Variants in CAMTA1 observed in about 807,000 individuals in gnomAD.
The protein encoded by CAMTA1 is calmodulin binding transcription activator 1.
Under a neutral mutation model 170.9 loss-of-function variants are expected in CAMTA1, and 27 were observed. That is an observed-to-expected ratio of 0.16 (90% CI 0.12 to 0.22). The LOEUF (loss-of-function observed/expected upper bound fraction) is 0.22, where lower values mean the gene tolerates loss of function less well. Ranked by LOEUF, CAMTA1 falls within the 10% of genes least tolerant of loss-of-function variation. CAMTA1 has a pLI of 1.00. For synonymous variants in CAMTA1, 833 were observed against 891.5 expected (o/e 0.93, Z 1.17); for missense variants, 1,619 against 2,217.2 (o/e 0.73, Z 5.42).
chr1:6,871,772 C>T (rs560202168), intron 3 of CAMTA1: 19 of 1,534,660 alleles, frequency 1.2e-5, no homozygotes, highest in Middle Eastern at 1.7e-4. Flanking sequence ...ATGATGCAGC[C>T]GTCCTTTTGG....
chr1:7,207,651 T>C (rs911338615), intron 4 of CAMTA1, among the ~76,000 whole-genome samples: 1 of 152,018 alleles, frequency 6.6e-6, no homozygotes, highest in Non-Finnish European at 1.5e-5. Context: ...CAGTGGCTGG[T>C]CCAGTTGTGG....
At chr1:6,891,668 AAAAAC>A (rs1674516401) in intron 3 of CAMTA1, among the ~76,000 whole-genome samples, 1 of 152,234 alleles carries the variant, frequency 6.6e-6, no homozygotes, top group Non-Finnish European at 1.5e-5. Context: ...TGCATCTTCA[AAAAAC>A]AAAACAAAAA....
rs1197872959 is a variant in CAMTA1, at chr1:7,588,412, TGG to T, written c.511-51986_511-51985del. ...ATGGCCCCAGGGGCTCAGGAGGCCC[TGG>T]GCTTCGTAATCACACTACACTAACG... On this transcript the variant is annotated intron_variant, in intron 6 of 22. Transcript: ENST00000303635. The surrounding 1 kb of genome is among the most constrained non-coding windows in gnomAD (Gnocchi z 5.8). Among the ~76,000 whole-genome samples, 1 of 152,180 alleles carries T rather than the reference TGG, an allele frequency of 6.6e-6. No individual in the cohort carries two copies.
intron 6 of CAMTA1, among the ~76,000 whole-genome samples, chr1:7,550,304 G>A (rs1388012903): frequency 6.6e-6 from 1 of 152,132 alleles, no homozygotes; most frequent in Non-Finnish European, 1.5e-5. Flanking sequence ...AGAACAAGAT[G>A]ATGGTTCCGG....
At position 7,179,408 on chromosome 1, in the gene CAMTA1, T is replaced by C. The variant is rs148855191; in HGVS notation, c.303-70083T>C. On this transcript the variant is annotated intron_variant, in intron 4 of 22. Coordinates refer to ENST00000303635, the MANE Select transcript of CAMTA1 (RefSeq NM_015215.4). ...CAAGAAGATAGGTATTATGGAGATA[T>C]AGATATCTTTATGTATACATTTATG... 1.7e-3 allele frequency among the ~76,000 whole-genome samples: 261 copies of C among 152,324 alleles called. 5 individuals carry two copies. The highest frequency in any genetic ancestry group is 6.1e-3 in the African/African-American group (254 of 41,572).
At chr1:7,614,459 A>C (rs2095545525) in intron 6 of CAMTA1, among the ~76,000 whole-genome samples, 1 of 151,896 alleles carries the variant, frequency 6.6e-6, no homozygotes, top group African/African-American at 2.4e-5. Flanking sequence ...GAAAATTGAA[A>C]TATTTTGTAC....
intron 3 of CAMTA1, among the ~76,000 whole-genome samples, chr1:6,842,471 C>G (rs982127445): frequency 6.6e-6 from 1 of 152,194 alleles, no homozygotes; most frequent in African/African-American, 2.4e-5. Flanking sequence ...CAAACTAATT[C>G]AACTGGAGTC....
At chr1:7,189,204 G>C (rs918039473) in intron 4 of CAMTA1, among the ~76,000 whole-genome samples, 2 of 152,178 alleles carry the variant, frequency 1.3e-5, no homozygotes, top group African/African-American at 4.8e-5. Context: ...GGGAAACACT[G>C]TAGAAAGCCT....
chr1:7,459,559 A>G (rs557491236), intron 5 of CAMTA1, among the ~76,000 whole-genome samples: 1 of 151,334 alleles, frequency 6.6e-6, no homozygotes, highest in Admixed American at 6.6e-5. Context: ...CCACATTTTT[A>G]CCCCCTTCTG....
rs538526812 is a variant in CAMTA1 at position 7,532,214 on chromosome 1, G to A, written c.510+64313G>A. Among the ~76,000 whole-genome samples the A allele has an allele frequency of 6.6e-6, 1 of 152,342 alleles. No individual in the cohort carries two copies. The highest frequency in any genetic ancestry group is 2.4e-5 in the African/African-American group (1 of 41,590). ...TTCCTGTGTGGCCTTCGGATTCTTG[G>A]TGGAGGGGACATTCTTGCACACTAG... On this transcript the variant is annotated intron_variant, in intron 6 of 22. Transcript: ENST00000303635. This position sits in a 1 kb window ranked among gnomAD's most constrained non-coding sequence, Gnocchi z 4.2.
At chr1:7,193,962 A>G (rs11803793) in intron 4 of CAMTA1, among the ~76,000 whole-genome samples, 12,958 of 152,194 alleles carry the variant, frequency 0.085, 1,709 homozygotes, top group African/African-American at 0.29. Context: ...GTGGTAACCT[A>G]TATTTTATTC....
At chr1:7,272,767 A>G (rs1304273947) in intron 5 of CAMTA1, among the ~76,000 whole-genome samples, 7 of 151,614 alleles carry the variant, frequency 4.6e-5, no homozygotes, top group African/African-American at 1.7e-4. Context: ...TACAGAAAAA[A>G]TAATTCAAAG....
chr1:7,603,552 C>T (rs1278154326), intron 6 of CAMTA1, among the ~76,000 whole-genome samples: 3 of 152,094 alleles, frequency 2.0e-5, no homozygotes, highest in East Asian at 3.8e-4. Flanking sequence ...TTCCTCCATC[C>T]CTTTCTTTTG....
intron 3 of CAMTA1, chr1:6,852,957 C>T (rs1660972414): frequency 6.6e-6 from 1 of 152,254 alleles, no homozygotes; most frequent in South Asian, 2.1e-4. Flanking sequence ...TCATCATAAA[C>T]TCAGGTATGT....
chr1:7,012,843 T>C (rs1487468529), intron 3 of CAMTA1, among the ~76,000 whole-genome samples: 1 of 152,198 alleles, frequency 6.6e-6, no homozygotes, highest in African/African-American at 2.4e-5. Flanking sequence ...CTTCCCGCCA[T>C]GTGCCTGCGG....
At chr1:6,932,312 A>G (rs1483082929) in intron 3 of CAMTA1, among the ~76,000 whole-genome samples, 2 of 152,186 alleles carry the variant, frequency 1.3e-5, no homozygotes, top group African/African-American at 2.4e-5. Context: ...TCCTTTCAGC[A>G]TAATTATTTT....
intron 5 of CAMTA1, among the ~76,000 whole-genome samples, chr1:7,417,316 C>T (rs568351925): frequency 1.2e-4 from 18 of 152,334 alleles, no homozygotes; most frequent in African/African-American, 9.6e-5. Context: ...CAGACAGGGA[C>T]GTTTAAGTCT....
At chr1:6,985,642 A>G (rs1695234495) in intron 3 of CAMTA1, among the ~76,000 whole-genome samples, 1 of 152,220 alleles carries the variant, frequency 6.6e-6, no homozygotes, top group South Asian at 2.1e-4. Context: ...TAATTTCTAC[A>G]ATAACAGTTG....
chr1:7,482,395 A>G lies in CAMTA1; in HGVS notation c.510+14494A>G, dbSNP rs1353162727. ...CCTGGGGTTTCTCCTAGGCTCTCCC[A>G]CAGCTGCCCCTAGGTCCAGCTGTGC... On this transcript the variant is annotated intron_variant, in intron 6 of 22. Coordinates refer to ENST00000303635, the MANE Select transcript of CAMTA1 (RefSeq NM_015215.4). This position sits in a 1 kb window ranked among gnomAD's most constrained non-coding sequence, Gnocchi z 4.2. Among the ~76,000 whole-genome samples, 4 of 152,152 alleles carry G rather than the reference A, an allele frequency of 2.6e-5. No individual in the cohort carries two copies. Among genetic ancestry groups the G allele is most frequent in the Non-Finnish European group, 5.9e-5 (4 of 68,012 alleles).
Sources: allele counts gnomAD v4.1 joint callset (sites outside exome capture counted in the v4.1 genomes callset), GRCh38; gene constraint gnomAD v4.1.1; non-coding constraint Gnocchi (gnomAD v3.1); transcripts MANE v1.5; gene names NCBI Gene and HGNC (gene_info 2026-07-23, HGNC 2026-07-21).